The following CELF2 variants were observed in gnomAD, a reference collection of about 807,000 sequenced individuals.
CELF2 encodes the protein CUG triplet repeat RNA-binding protein 2.
A neutral mutation model predicts 62.6 loss-of-function variants in CELF2; 8 were observed. The ratio of observed to expected loss-of-function variants is 0.13; its 90% CI spans 0.07 to 0.23. CELF2 has a LOEUF of 0.23. Ranked by LOEUF, CELF2 falls within the 10% of genes least tolerant of loss-of-function variation. The pLI is 1.00. For missense variants in CELF2, 333 were observed against 671.0 expected (o/e 0.50, Z 5.56); for synonymous variants, 258 against 250.0 (o/e 1.03, Z -0.30).
intron 5 of CELF2, among the ~76,000 whole-genome samples, chr10:11,265,866 A>G (rs1395312260): frequency 1.3e-5 from 2 of 152,250 alleles, no homozygotes; most frequent in Non-Finnish European, 2.9e-5. Flanking sequence ...TCAGAAATTG[A>G]CAAGTCTCAA....
chr10:11,157,286 T>C lies in CELF2; in HGVS notation c.75-8200T>C, dbSNP rs1369689192. On this transcript the variant is annotated intron_variant, in intron 1 of 12. Coordinates refer to ENST00000633077, the MANE Select transcript of CELF2 (RefSeq NM_001326342.2). The surrounding 1 kb of genome is among the most constrained non-coding windows in gnomAD (Gnocchi z 4.9). The stretch of plus-strand genomic sequence containing the variant: ...CCACCTTCCCAGCTCCCTTCCTTGT[T>C]AGAGCCGCCTTTTTCTCCCCAGTTT... Among the ~76,000 whole-genome samples the C allele has an allele frequency of 2.0e-5, 3 of 152,166 alleles. No individual in the cohort carries two copies. The highest frequency in any genetic ancestry group is 2.9e-5 in the Non-Finnish European group (2 of 68,018).
intron 1 of CELF2, among the ~76,000 whole-genome samples, chr10:10,821,169 G>C (rs1248742174): frequency 6.6e-6 from 1 of 152,204 alleles, no homozygotes; most frequent in African/African-American, 2.4e-5. Flanking sequence ...AGGCAACCAG[G>C]TTTGGGGTTG....
intron 2 of CELF2, among the ~76,000 whole-genome samples, chr10:10,932,237 A>G (rs934272081): frequency 1.3e-5 from 2 of 152,202 alleles, no homozygotes; most frequent in South Asian, 4.1e-4. Flanking sequence ...GCAGAGTAGC[A>G]TGGGGGCTGG....
chr10:11,065,753 TA>T (rs2140721895), intron 1 of CELF2, among the ~76,000 whole-genome samples: 1 of 152,246 alleles, frequency 6.6e-6, no homozygotes, highest in South Asian at 2.1e-4. Flanking sequence ...ATGCTATAAA[TA>T]AAACAACTTA....
intron 3 of CELF2, among the ~76,000 whole-genome samples, chr10:11,218,689 G>A (rs1320288553): frequency 6.6e-6 from 1 of 152,240 alleles, no homozygotes; most frequent in Non-Finnish European, 1.5e-5. Context: ...AGAAGCAAGT[G>A]TGTGGTCCCA....
At chr10:10,897,650 G>A (rs1211824207) in intron 1 of CELF2, among the ~76,000 whole-genome samples, 1 of 152,182 alleles carries the variant, frequency 6.6e-6, no homozygotes, top group Non-Finnish European at 1.5e-5. Context: ...CAGCAATAGA[G>A]ATGGGTCATC....
At chr10:10,960,689 C>T (rs1449184934) in intron 2 of CELF2, among the ~76,000 whole-genome samples, 2 of 152,248 alleles carry the variant, frequency 1.3e-5, no homozygotes, top group Non-Finnish European at 2.9e-5. Flanking sequence ...TTTGACACGA[C>T]ATCCCATTTC....
intron 1 of CELF2, among the ~76,000 whole-genome samples, chr10:11,057,335 C>G (rs1174431885): frequency 6.6e-6 from 1 of 152,154 alleles, no homozygotes; most frequent in Non-Finnish European, 1.5e-5. Context: ...TGCTTTTGCT[C>G]TACTAGCATG....
the CELF2 span, among the ~76,000 whole-genome samples, chr10:10,499,377 CTA>C: frequency 1.3e-5 from 2 of 151,784 alleles, no homozygotes; most frequent in African/African-American, 4.8e-5. Flanking sequence ...CAACAGAAGA[CTA>C]TGTTTGAATT....
In CELF2 at chr10:11,270,085, T is replaced by A. The variant is rs556023414; in HGVS notation, c.619-581T>A. ...TTGGAGAATGCCTGTGTTCTCTGAA[T>A]ATCTTCTGCCCTCATCCTCAAAACT... On this transcript the variant is annotated intron_variant, in intron 6 of 12. Coordinates refer to ENST00000633077, the MANE Select transcript of CELF2 (RefSeq NM_001326342.2). This position sits in a 1 kb window ranked among gnomAD's most constrained non-coding sequence, Gnocchi z 5.8. 1.3e-5 allele frequency among the ~76,000 whole-genome samples: 2 copies of A among 152,356 alleles called. No individual in the cohort carries two copies. Among genetic ancestry groups the A allele is most frequent in the South Asian group, 4.1e-4 (2 of 4,832 alleles).
the CELF2 span, among the ~76,000 whole-genome samples, chr10:10,589,140 G>T: frequency 6.6e-6 from 1 of 152,184 alleles, no homozygotes; most frequent in Non-Finnish European, 1.5e-5. Context: ...GTCCAGAAAG[G>T]CAGGACAACT....
chr10:10,697,581 A>G, the CELF2 span, among the ~76,000 whole-genome samples: 1 of 152,194 alleles, frequency 6.6e-6, no homozygotes, highest in Non-Finnish European at 1.5e-5. Flanking sequence ...AGGTCAAGAC[A>G]CTGACGGATG....
chr10:10,941,961 T>C (rs1433275375), intron 2 of CELF2, among the ~76,000 whole-genome samples: 2 of 140,070 alleles, frequency 1.4e-5, no homozygotes, highest in Non-Finnish European at 3.0e-5. Flanking sequence ...AGCACTTCAC[T>C]CCAGCCTGGG....
chr10:10,581,115 T>G, the CELF2 span, among the ~76,000 whole-genome samples: 1 of 152,224 alleles, frequency 6.6e-6, no homozygotes, highest in Admixed American at 6.5e-5. Flanking sequence ...GGATAGGATG[T>G]CAGTGTTTGC....
At chr10:10,709,885 A>G in the CELF2 span, among the ~76,000 whole-genome samples, 6 of 152,224 alleles carry the variant, frequency 3.9e-5, no homozygotes, top group African/African-American at 1.4e-4. Context: ...AATACGTGGT[A>G]TGTGTTTGAC....
At chr10:10,986,342 T>A (rs2052747521) in intron 2 of CELF2, among the ~76,000 whole-genome samples, 1 of 152,210 alleles carries the variant, frequency 6.6e-6, no homozygotes, top group South Asian at 2.1e-4. Context: ...AACATGGACA[T>A]AATCAAGTTT....
At chr10:11,078,893 C>A (rs1039257459) in intron 1 of CELF2, among the ~76,000 whole-genome samples, 6 of 152,196 alleles carry the variant, frequency 3.9e-5, no homozygotes, top group Non-Finnish European at 7.3e-5. Context: ...CTCCCTTCTT[C>A]AGCATAACGT....
chr10:10,674,383 C>A, the CELF2 span, among the ~76,000 whole-genome samples: 1 of 151,990 alleles, frequency 6.6e-6, no homozygotes, highest in South Asian at 2.1e-4. Flanking sequence ...GTTCTTTATC[C>A]GCTTACTTTT....
intron 1 of CELF2, among the ~76,000 whole-genome samples, chr10:10,890,287 G>A (rs1304605034): frequency 6.6e-6 from 1 of 152,156 alleles, no homozygotes; most frequent in Non-Finnish European, 1.5e-5. Context: ...GCTCAAAGGT[G>A]AATTGTCTAC....
Sources: gnomAD v4.1 joint callset for allele counts (sites outside exome capture counted in the v4.1 genomes callset) on GRCh38, gnomAD v4.1.1 for gene constraint, Gnocchi (gnomAD v3.1) non-coding constraint, MANE v1.5 for transcripts, NCBI Gene and HGNC (gene_info 2026-07-23, HGNC 2026-07-21) for gene names.